Variants in AKAP8 observed in about 807,000 individuals in gnomAD.
AKAP8 encodes A-kinase anchor protein 8.
In AKAP8, 24 loss-of-function variants were observed where a neutral mutation model predicts 67.5. The ratio of observed to expected loss-of-function variants is 0.36; its 90% CI spans 0.26 to 0.50. AKAP8 has a LOEUF of 0.50. Among genes scored for constraint, AKAP8 ranks in the 20% least tolerant of loss-of-function variants. The pLI, the probability that AKAP8 is intolerant of heterozygous loss-of-function variation, is 0.97. For synonymous variants in AKAP8, 400 were observed against 371.1 expected (o/e 1.08, Z -0.90); for missense variants, 971 against 955.9 (o/e 1.02, Z -0.21).
chr19:15,363,496 C>G (rs1465734512), intron 9 of AKAP8, among the ~76,000 whole-genome samples: 1 of 143,022 alleles, frequency 7.0e-6, no homozygotes. Context: ...GGGGGTCAGC[C>G]CCCCGCCCGG....
At chr19:15,355,981 C>T (rs531520536) in intron 13 of AKAP8, among the ~76,000 whole-genome samples, 1 of 152,226 alleles carries the variant, frequency 6.6e-6, no homozygotes, top group South Asian at 2.1e-4. Context: ...GGTGATCCGC[C>T]TGCCTTGGCC....
At chr19:15,370,856 T>C (rs1228396052) in intron 7 of AKAP8, among the ~76,000 whole-genome samples, 2 of 152,120 alleles carry the variant, frequency 1.3e-5, no homozygotes, top group African/African-American at 4.8e-5. Flanking sequence ...GGTCTCAATC[T>C]TGTGACCTCG....
chr19:15,361,707 T>C, intron 11 of AKAP8, 22 bp downstream of exon 11: 1 of 1,593,416 alleles, frequency 6.3e-7, no homozygotes, highest in South Asian at 1.1e-5. Flanking sequence ...AGGAAAGCAC[T>C]CATCCTGGGA....
chr19:15,374,385 AAAGCACGG>A (rs1967216247), intron 3 of AKAP8, among the ~76,000 whole-genome samples: 2 of 152,172 alleles, frequency 1.3e-5, no homozygotes, highest in Admixed American at 6.5e-5. Context: ...CGCTGCTCCC[AAAGCACGG>A]TCGCAGTCCT....
intron 12 of AKAP8, 31 bp downstream of exon 12, chr19:15,360,817 C>T: frequency 1.3e-6 from 2 of 1,599,144 alleles, no homozygotes; most frequent in Non-Finnish European, 1.7e-6. Flanking sequence ...CTGCAATGAG[C>T]ACCCCAGGCA....
At position 15,375,531 on chromosome 19, in the gene AKAP8, C is replaced by G. The variant is rs369585271; in HGVS notation, c.59-896G>C. On this transcript the variant is annotated intron_variant, in intron 2 of 13. Transcript: ENST00000269701. ...ATCACTTACACACTGGATCAAAACT[C>G]AGAGAACTATACAAATTAACAAAAA... Among the ~76,000 whole-genome samples, 26 of 152,152 alleles carry G rather than the reference C, an allele frequency of 1.7e-4. No homozygotes were observed. In the South Asian group the frequency reaches 3.5e-3, roughly 21 times the overall value.
At chr19:15,360,505 A>G (rs541387906) in intron 12 of AKAP8, among the ~76,000 whole-genome samples, 35 of 152,300 alleles carry the variant, frequency 2.3e-4, no homozygotes, top group South Asian at 1.2e-3. Context: ...CTAGGTAAGG[A>G]CAGAACCAGT....
At chr19:15,355,619 G>C (rs183803849) in intron 13 of AKAP8, among the ~76,000 whole-genome samples, 43 of 151,702 alleles carry the variant, frequency 2.8e-4, no homozygotes, top group Non-Finnish European at 1.5e-4. Context: ...GCAGTGGTGC[G>C]ATCTCGGCTC....
At chr19:15,379,572 C>T in intron 1 of AKAP8, 141 bp downstream of exon 1, 1 of 913,582 alleles carries the variant, frequency 1.1e-6, no homozygotes, top group Non-Finnish European at 1.5e-6. Flanking sequence ...GGCGCGCGCG[C>T]GCCCTGGCCG....
At chr19:15,358,293 A>C (rs559591429) in intron 13 of AKAP8, among the ~76,000 whole-genome samples, 1 of 151,894 alleles carries the variant, frequency 6.6e-6, no homozygotes, top group East Asian at 1.9e-4. Flanking sequence ...CCTCACTGTC[A>C]GTTGGCTCTA....
chr19:15,366,298 AGATTATTT>A (rs1197360345), intron 9 of AKAP8, among the ~76,000 whole-genome samples: 1 of 151,962 alleles, frequency 6.6e-6, no homozygotes, highest in Non-Finnish European at 1.5e-5. Context: ...TCTCTTTATT[AGATTATTT>A]AAGTTTAAAA....
At position 15,372,309 on chromosome 19, in the gene AKAP8, G is replaced by A. The variant is rs1361672383; in HGVS notation, c.900C>T (p.Gly300=). The A allele has an allele frequency of 6.2e-7, 1 of 1,614,120 alleles. No individual in the cohort carries two copies. The highest frequency in any genetic ancestry group is 1.1e-5 in the South Asian group (1 of 91,086). ...GGAACTGCTTCCGTTTCCTGCCCGT[G>A]CCATCTGGTCCGAAGCGGTCAAACC... is the stretch of plus-strand genomic sequence containing the variant. ...RRGFDRFGPD[G]TGRKRKQFQL... Residue 300 remains glycine (G), a synonymous_variant, in exon 6 of 14, where the codon GGC becomes GGT. Transcript: ENST00000269701.
Position 15,371,983 on chromosome 19 carries a change from T to C in AKAP8, c.1007A>G (p.Asp336Gly). Residue 336 changes from aspartate to glycine, a missense_variant, in exon 7 of 14, where the codon GAC (aspartate) becomes GGC (glycine). Physicochemically the swap from Asp to Gly is moderately conservative, Grantham distance 94. Coordinates refer to ENST00000269701, the MANE Select transcript of AKAP8 (RefSeq NM_005858.4). ...DFSENDDAAGDFRSGDEEFKG... is the reference protein window; with the variant it reads ...DFSENDDAAGGFRSGDEEFKG... ...GAATTCTTCATCTCCTGAGCGGAAG[T>C]CACCAGCTGCGTCATCTGCCAGACA... is the stretch of plus-strand genomic sequence containing the variant. The C allele has an allele frequency of 6.2e-7, 1 of 1,614,096 alleles. No homozygotes were observed. Among genetic ancestry groups the C allele is most frequent in the Non-Finnish European group, 8.5e-7 (1 of 1,180,016 alleles).
chr19:15,368,289 T>C lies in AKAP8; in HGVS notation c.1106A>G (p.Lys369Arg). ...TCTTCTCCTTTGCTTTTCCCTTCTC[T>C]TCTTCACATCCTCGTCCTCGTCCTC... ...EKEDEDEDVK[K>R]RREKQRRRDR... Residue 369 changes from lysine to arginine, a missense_variant, in exon 9 of 14, where the codon AAG becomes AGG. Around this residue, in one of 3 missense-constraint regions of AKAP8, gnomAD observed 763 missense variants for 745.4 expected, o/e 1.02. Coordinates refer to ENST00000269701, the MANE Select transcript of AKAP8 (RefSeq NM_005858.4). The C allele has an allele frequency of 1.2e-6, 2 of 1,613,764 alleles. No individual in the cohort carries two copies. The highest frequency in any genetic ancestry group is 1.7e-6 in the Non-Finnish European group (2 of 1,179,988).
chr19:15,368,835 C>T (rs1967109997), intron 8 of AKAP8: 1 of 985,286 alleles, frequency 1.0e-6, no homozygotes, highest in African/African-American at 1.7e-5. Flanking sequence ...ACAGTCCTTG[C>T]TGGCCCGACC....
intron 9 of AKAP8, among the ~76,000 whole-genome samples, chr19:15,366,379 A>T (rs1967070787): frequency 6.6e-6 from 1 of 152,020 alleles, no homozygotes; most frequent in Non-Finnish European, 1.5e-5. Flanking sequence ...TACTCTATCC[A>T]TTTATCTGTT....
intron 8 of AKAP8, 129 bp from the exon 9 acceptor site, chr19:15,368,451 G>A: frequency 6.4e-7 from 1 of 1,565,284 alleles, no homozygotes; most frequent in South Asian, 1.2e-5. Context: ...CCACGCGGCA[G>A]GGTCCAGGAT....
chr19:15,372,700 G>T, intron 5 of AKAP8, 151 bp downstream of exon 5: 1 of 1,165,204 alleles, frequency 8.6e-7, no homozygotes, highest in Non-Finnish European at 1.1e-6. Context: ...CTGTGATGGT[G>T]GGGATGGTTG....
chr19:15,358,883 G>C, intron 13 of AKAP8, 84 bp downstream of exon 13: 1 of 1,234,752 alleles, frequency 8.1e-7, no homozygotes, highest in Non-Finnish European at 1.2e-6. Flanking sequence ...GCTAAATGCT[G>C]CACTCTGGAT....
Sources: gnomAD v4.1 joint callset for allele counts (sites outside exome capture counted in the v4.1 genomes callset) on GRCh38, gnomAD v4.1.1 for gene constraint, gnomAD v4.1.1 regional missense constraint, MANE v1.5 for transcripts, NCBI Gene and HGNC (gene_info 2026-07-23, HGNC 2026-07-21) for gene names.